The following WDR4 variants were observed in gnomAD, a reference collection of about 807,000 sequenced individuals.
The protein encoded by WDR4 is WDR4 tRNA N7-guanosine methyltransferase non-catalytic subunit.
Under a neutral mutation model 48.6 loss-of-function variants are expected in WDR4, and 47 were observed. The ratio of observed to expected loss-of-function variants is 0.97; its 90% CI spans 0.77 to 1.23. The LOEUF (loss-of-function observed/expected upper bound fraction) is 1.23, where lower values mean the gene tolerates loss of function less well. Ranked by LOEUF, WDR4 falls within the 50% of genes most tolerant of loss-of-function variation. The pLI is 0.00. For synonymous variants in WDR4, 268 were observed against 230.0 expected, an observed-to-expected ratio of 1.17 and a Z score of -1.49; for missense variants, 606 against 551.6, an observed-to-expected ratio of 1.10 and a Z score of -0.99.
intron 10 of WDR4, 43 bp from the exon 11 acceptor site, chr21:42,850,285 C>G: frequency 6.5e-7 from 1 of 1,541,448 alleles, no homozygotes; most frequent in Non-Finnish European, 8.8e-7. Context: ...GGGGCAGGAA[C>G]ATGGGACTCG....
At position 42,862,438 on chromosome 21, in the gene WDR4, T is replaced by C; in HGVS notation, c.454-44A>G. The C allele has an allele frequency of 6.6e-7, 1 of 1,521,512 alleles. No homozygotes were observed. The highest frequency in any genetic ancestry group is 8.9e-7 in the Non-Finnish European group (1 of 1,121,600). 94.3% of individuals were successfully genotyped at this position (1,521,512 alleles called of 1,614,324 possible). A position where few individuals can be genotyped will look rare whatever the true frequency, so the allele number is the denominator to read the frequency against. On this transcript the variant is annotated intron_variant, in intron 4 of 10. Transcript: ENST00000398208. This position sits in a 1 kb window ranked among gnomAD's most constrained non-coding sequence, Gnocchi z 4.3. ...GAAAAGAAAAAGCCGCTCACCTGAG[T>C]CTTCCCGAATCAAGTCCCTCATGGA...
the WDR4 span, among the ~76,000 whole-genome samples, chr21:42,890,077 A>G: frequency 6.6e-6 from 1 of 151,514 alleles, no homozygotes; most frequent in East Asian, 1.9e-4. Context: ...GTAAGAACCT[A>G]AAAGAAAAAA....
upstream of WDR4, among the ~76,000 whole-genome samples, chr21:42,881,784 C>T (rs2146128904): frequency 6.6e-6 from 1 of 152,318 alleles, no homozygotes; most frequent in Middle Eastern, 3.4e-3. Context: ...GATCAACAAG[C>T]TCATAAAAAC....
At chr21:42,852,046 C>T (rs1164286330) in intron 10 of WDR4, among the ~76,000 whole-genome samples, 2 of 152,212 alleles carry the variant, frequency 1.3e-5, no homozygotes, top group Admixed American at 6.5e-5. Flanking sequence ...AAGTGGCTCT[C>T]GTTAGCCTGA....
chr21:42,873,491 G>C, intron 3 of WDR4, 60 bp downstream of exon 3: 1 of 1,599,302 alleles, frequency 6.3e-7, no homozygotes, highest in Non-Finnish European at 8.5e-7. Flanking sequence ...TATTGCTACA[G>C]GCATGCAAGG....
chr21:42,879,865 G>T, upstream of WDR4: 1 of 401,962 alleles, frequency 2.5e-6, no homozygotes, highest in South Asian at 1.1e-4. Context: ...CTAGATGCCT[G>T]GTAAATGATC....
At chr21:42,884,712 G>C in the WDR4 span, among the ~76,000 whole-genome samples, 4 of 151,716 alleles carry the variant, frequency 2.6e-5, no homozygotes, top group Non-Finnish European at 5.9e-5. Flanking sequence ...GCACTTTATA[G>C]TCCCACCAGC....
intron 6 of WDR4, among the ~76,000 whole-genome samples, chr21:42,858,580 G>A (rs546566472): frequency 6.6e-6 from 1 of 152,340 alleles, no homozygotes; most frequent in African/African-American, 2.4e-5. Flanking sequence ...CAGATGACGT[G>A]TTCCACTCAA....
Position 42,864,025 on chromosome 21 carries a change from T to G in WDR4, c.297-429A>C, listed in dbSNP as rs1359702899. 8.0e-5 allele frequency among the ~76,000 whole-genome samples: 6 copies of G among 75,252 alleles called. 2 individuals carry two copies. Among genetic ancestry groups the G allele is most frequent in the Admixed American group, 2.4e-4 (2 of 8,380 alleles). The allele number at this position is 75,252 out of a possible 152,430, so 49.4% of individuals were successfully genotyped here. Reference sequence around the variant, plus strand: ...GGGAGGCTGAGGCGGGAGAATGGCGTGAACCCGGGAGGCGGAGCTTGCAGT... The same window carrying G: ...GGGAGGCTGAGGCGGGAGAATGGCGGGAACCCGGGAGGCGGAGCTTGCAGT... On this transcript the variant is annotated intron_variant, in intron 3 of 10. Transcript: ENST00000398208.
the WDR4 span, among the ~76,000 whole-genome samples, chr21:42,892,296 AT>A: frequency 8.6e-5 from 13 of 150,540 alleles, no homozygotes; most frequent in African/African-American, 2.4e-4. Context: ...ATCTTTTGGC[AT>A]TTTTTTTTCT....
chr21:42,850,647 C>A lies in WDR4; in HGVS notation c.1046-405G>T, dbSNP rs565791941. Among the ~76,000 whole-genome samples, 3 of 152,278 alleles carry A rather than the reference C, an allele frequency of 2.0e-5. No homozygotes were observed. The South Asian group carries it at 6.2e-4, about 32-fold the overall frequency. ...GAGAGGCCCCCTGTCCTGCCGACAA[C>A]CCAGACTGAGTGAAGTCGGGCCCTG... On this transcript the variant is annotated intron_variant, in intron 10 of 10. Coordinates refer to ENST00000398208, the MANE Select transcript of WDR4 (RefSeq NM_018669.6).
At chr21:42,855,339 A>G (rs2057958239) in intron 7 of WDR4, among the ~76,000 whole-genome samples, 1 of 152,154 alleles carries the variant, frequency 6.6e-6, no homozygotes, top group Admixed American at 6.5e-5. Flanking sequence ...GATTGCTCCA[A>G]GCTGGCCGGA....
chr21:42,861,299 GCTA>G (rs1305877573), intron 5 of WDR4, among the ~76,000 whole-genome samples: 1 of 129,688 alleles, frequency 7.7e-6, no homozygotes, highest in Non-Finnish European at 1.6e-5. Context: ...GGGCGACACA[GCTA>G]AGAAAGAGAA....
chr21:42,845,535 C>T (rs55715340), downstream of WDR4, among the ~76,000 whole-genome samples: 4 of 152,034 alleles, frequency 2.6e-5, no homozygotes, highest in Non-Finnish European at 4.4e-5. Flanking sequence ...TGATCTAAGA[C>T]GGGTAAGTCA....
chr21:42,853,388 G>A (rs962100984), intron 9 of WDR4, among the ~76,000 whole-genome samples, 181 bp downstream of exon 9: 12 of 152,220 alleles, frequency 7.9e-5, no homozygotes, highest in East Asian at 1.9e-4. Context: ...CCTGGCACCC[G>A]GCTCCCTTCA....
intron 11 of WDR4, among the ~76,000 whole-genome samples, chr21:42,843,597 A>G (rs1425751852): frequency 6.6e-6 from 1 of 150,978 alleles, no homozygotes; most frequent in Non-Finnish European, 1.5e-5. Context: ...TTTTTAAGAC[A>G]GATTCTTGCT....
upstream of WDR4, chr21:42,879,603 C>T (rs970688267): frequency 6.1e-5 from 84 of 1,369,938 alleles, 1 homozygote; most frequent in Admixed American, 3.7e-4. Context: ...GTATACCCCA[C>T]GTACCGCGCA....
At chr21:42,877,385 C>G (rs1180424420) in intron 1 of WDR4, among the ~76,000 whole-genome samples, 1 of 150,456 alleles carries the variant, frequency 6.6e-6, no homozygotes, top group African/African-American at 2.4e-5. Flanking sequence ...CTCAGATGAT[C>G]TGCCCGCCTC....
downstream of WDR4, among the ~76,000 whole-genome samples, chr21:42,847,543 G>A (rs574195118): frequency 6.6e-6 from 1 of 152,318 alleles, no homozygotes; most frequent in African/African-American, 2.4e-5. Flanking sequence ...GAGTAGCCCC[G>A]CGGTCCTGGT....
Sources: allele counts gnomAD v4.1 joint callset (sites outside exome capture counted in the v4.1 genomes callset), GRCh38; gene constraint gnomAD v4.1.1; non-coding constraint Gnocchi (gnomAD v3.1); transcripts MANE v1.5; gene names NCBI Gene and HGNC (gene_info 2026-07-23, HGNC 2026-07-21).